Variants in HIP1 observed in about 807,000 individuals in gnomAD.
The protein encoded by HIP1 is huntingtin interacting protein 1, also known as huntingtin-interacting protein 1.
HIP1 carries 65 observed loss-of-function variants against 147.6 expected under a neutral mutation model. The ratio of observed to expected loss-of-function variants is 0.44; its 90% CI spans 0.36 to 0.54. The LOEUF (loss-of-function observed/expected upper bound fraction) is 0.54. HIP1 is among the 20% of genes least tolerant of loss of function. HIP1 has a pLI of 0.00. For synonymous variants in HIP1, 479 were observed against 504.0 expected, an observed-to-expected ratio of 0.95 and a Z score of 0.67; for missense variants, 1,061 against 1,299.6, an observed-to-expected ratio of 0.82 and a Z score of 2.82.
At chr7:75,682,018 CTTTTTTTTT>C (rs71098063) in intron 1 of HIP1, among the ~76,000 whole-genome samples, 1 of 84,214 alleles carries the variant, frequency 1.2e-5, no homozygotes, top group African/African-American at 5.1e-5. Context: ...GCAACAACCT[CTTTTTTTTT>C]TTTTTTTTTT....
intron 1 of HIP1, among the ~76,000 whole-genome samples, chr7:75,675,435 A>C (rs1170678351): frequency 6.6e-6 from 1 of 152,116 alleles, no homozygotes; most frequent in African/African-American, 2.4e-5. Context: ...TCCTGATCTC[A>C]GGTGTTTGGC....
chr7:75,537,316 TTG>T lies in HIP1; in HGVS notation c.*854_*855del, dbSNP rs1288066058. ...AAGGCACTCACTCTCCTTCTGCTTT[TTG>T]AGGAAAGCTGTCACTCAGCAGCTCC... On this transcript the variant is annotated 3_prime_UTR_variant, in exon 31 of 31. Coordinates refer to ENST00000336926, the MANE Select transcript of HIP1 (RefSeq NM_005338.7). 4.3e-6 allele frequency: 1 copy of T among 232,796 alleles called. No individual in the cohort carries two copies. The highest frequency in any genetic ancestry group is 8.5e-6 in the Non-Finnish European group (1 of 117,632). The allele number at this position is 232,796 out of a possible 1,614,324, so 14.4% of individuals were successfully genotyped here. A position where few individuals can be genotyped will look rare whatever the true frequency, so the allele number is the denominator to read the frequency against.
At chr7:75,637,548 T>TTTTTTC (rs1798465703) in intron 1 of HIP1, among the ~76,000 whole-genome samples, 1 of 146,120 alleles carries the variant, frequency 6.8e-6, no homozygotes, top group East Asian at 2.0e-4. Context: ...TTTTTTTTTT[T>TTTTTTC]TTTTTTTTTT....
In HIP1 at chr7:75,670,633, A is replaced by G. The variant is rs560195810; in HGVS notation, c.120+68168T>C. On this transcript the variant is annotated intron_variant, in intron 1 of 30. Coordinates refer to ENST00000336926, the MANE Select transcript of HIP1 (RefSeq NM_005338.7). ...AAACAGCAGTCTAATTTTTTGAGACAGGGTCTTGTTCTGTCAGTCAGACTG... is the reference window on the plus strand; with the variant it reads ...AAACAGCAGTCTAATTTTTTGAGACGGGGTCTTGTTCTGTCAGTCAGACTG... Among the ~76,000 whole-genome samples the G allele has an allele frequency of 3.3e-5, 5 of 152,066 alleles. No homozygotes were observed. In the South Asian group the frequency reaches 1.0e-3, roughly 32 times the overall value.
intron 1 of HIP1, among the ~76,000 whole-genome samples, chr7:75,629,317 C>T (rs1554508515): frequency 1.3e-5 from 2 of 152,096 alleles, no homozygotes; most frequent in African/African-American, 4.8e-5. Flanking sequence ...TAGAGACTTG[C>T]TGGTTATTTT....
intron 1 of HIP1, among the ~76,000 whole-genome samples, chr7:75,609,200 A>G (rs1797335554): frequency 6.6e-6 from 1 of 152,126 alleles, no homozygotes; most frequent in Non-Finnish European, 1.5e-5. Context: ...GCTCTCAGGC[A>G]CTGTCATCAT....
chr7:75,621,972 G>A lies in HIP1; in HGVS notation c.121-22725C>T, dbSNP rs1463335535. Among the ~76,000 whole-genome samples the A allele has an allele frequency of 3.3e-5, 5 of 152,050 alleles. 1 individual carries two copies. The highest frequency in any genetic ancestry group is 7.2e-5 in the African/African-American group (3 of 41,390). On this transcript the variant is annotated intron_variant, in intron 1 of 30. Coordinates refer to ENST00000336926, the MANE Select transcript of HIP1 (RefSeq NM_005338.7). ...CTGTGGGTGAGCAGTGGGCTGTGCC[G>A]CATCTGGAGTTCAGAAAAGGTCTAA...
intron 1 of HIP1, among the ~76,000 whole-genome samples, chr7:75,724,722 G>A (rs1309108487): frequency 2.0e-5 from 3 of 152,220 alleles, no homozygotes; most frequent in African/African-American, 7.2e-5. Flanking sequence ...CTGTGTGCCA[G>A]TAAGGAAGGT....
At chr7:75,592,244 TAATGGGGAACCC>T in intron 3 of HIP1, 116 bp downstream of exon 3, 1 of 1,407,954 alleles carries the variant, frequency 7.1e-7, no homozygotes, top group Non-Finnish European at 9.9e-7. Flanking sequence ...CACCCAACTC[TAATGGGGAACCC>T]AAAGGCCAGG....
intron 1 of HIP1, among the ~76,000 whole-genome samples, chr7:75,678,014 C>A (rs1034330436): frequency 3.3e-5 from 5 of 152,020 alleles, no homozygotes; most frequent in Non-Finnish European, 7.4e-5. Context: ...TCTCTGTCTT[C>A]TTTTCCATAG....
At chr7:75,715,777 A>AG (rs1336134580) in intron 1 of HIP1, among the ~76,000 whole-genome samples, 1 of 147,612 alleles carries the variant, frequency 6.8e-6, no homozygotes, top group Non-Finnish European at 1.5e-5. Flanking sequence ...CCTGTCTCAA[A>AG]AAAAAAAAAA....
At chr7:75,628,274 A>G (rs1798107512) in intron 1 of HIP1, among the ~76,000 whole-genome samples, 1 of 152,152 alleles carries the variant, frequency 6.6e-6, no homozygotes, top group African/African-American at 2.4e-5. Flanking sequence ...TGGCATATGG[A>G]AGACACTCTA....
At chr7:75,576,868 A>G (rs587711075) in intron 7 of HIP1, among the ~76,000 whole-genome samples, 157 of 152,350 alleles carry the variant, frequency 1.0e-3, no homozygotes, top group Admixed American at 2.7e-3. Context: ...GAAAATGTTC[A>G]TATAAACTTT....
At chr7:75,657,810 G>A (rs782283097) in intron 1 of HIP1, among the ~76,000 whole-genome samples, 5 of 151,902 alleles carry the variant, frequency 3.3e-5, no homozygotes, top group Non-Finnish European at 7.4e-5. Context: ...TGGGCGATGG[G>A]ATCATTTGAA....
At chr7:75,656,253 A>G (rs984582084) in intron 1 of HIP1, among the ~76,000 whole-genome samples, 1 of 152,108 alleles carries the variant, frequency 6.6e-6, no homozygotes, top group African/African-American at 2.4e-5. Flanking sequence ...GGTTAGTGAA[A>G]TAGACCAAAT....
At chr7:75,562,505 T>C (rs986225377) in intron 11 of HIP1, among the ~76,000 whole-genome samples, 10 of 152,112 alleles carry the variant, frequency 6.6e-5, no homozygotes. Flanking sequence ...CTGGTTCTTG[T>C]TCTCTTGCCT....
intron 1 of HIP1, among the ~76,000 whole-genome samples, chr7:75,661,288 A>T (rs1235900612): frequency 1.3e-5 from 2 of 151,234 alleles, no homozygotes; most frequent in Non-Finnish European, 3.0e-5. Flanking sequence ...AAAAAAAAAA[A>T]AAGGCCAGGT....
At chr7:75,609,600 C>T (rs1554504454) in intron 1 of HIP1, among the ~76,000 whole-genome samples, 1 of 151,784 alleles carries the variant, frequency 6.6e-6, no homozygotes, top group African/African-American at 2.4e-5. Context: ...GCCCTGTCGC[C>T]AGGCTGCAGT....
chr7:75,619,334 C>T (rs1384551567), intron 1 of HIP1, among the ~76,000 whole-genome samples: 1 of 152,094 alleles, frequency 6.6e-6, no homozygotes, highest in South Asian at 2.1e-4. Flanking sequence ...ACCAGCCTGG[C>T]CAACATGGTG....
Sources: gnomAD v4.1 joint callset for allele counts (sites outside exome capture counted in the v4.1 genomes callset) on GRCh38, gnomAD v4.1.1 for gene constraint, MANE v1.5 for transcripts, NCBI Gene and HGNC (gene_info 2026-07-23, HGNC 2026-07-21) for gene names.